NR6A1: variants seen among roughly 807,000 people sequenced by gnomAD.
NR6A1 encodes retinoic acid receptor-related testis-associated receptor.
In NR6A1, 7 loss-of-function variants were observed where a neutral mutation model predicts 59.1. The ratio of observed to expected loss-of-function variants is 0.12; its 90% CI spans 0.07 to 0.22. The LOEUF (loss-of-function observed/expected upper bound fraction) is 0.22, where lower values mean the gene tolerates loss of function less well. NR6A1 is among the 10% of genes least tolerant of loss of function. The probability of loss-of-function intolerance (pLI) is 1.00; values close to 1 mark genes in which losing one functional copy is unlikely to be tolerated. For missense variants in NR6A1, 468 were observed against 611.6 expected, an observed-to-expected ratio of 0.77 and a Z score of 2.48; for synonymous variants, 243 against 236.1, an observed-to-expected ratio of 1.03 and a Z score of -0.27.
At chr9:124,541,403 A>G (rs1833439472) in intron 4 of NR6A1, among the ~76,000 whole-genome samples, 1 of 152,218 alleles carries the variant, frequency 6.6e-6, no homozygotes, top group African/African-American at 2.4e-5. Flanking sequence ...TCATCAGGAA[A>G]ATACAAATCA....
At chr9:124,744,915 C>T (rs1840281365) in intron 1 of NR6A1, among the ~76,000 whole-genome samples, 1 of 152,144 alleles carries the variant, frequency 6.6e-6, no homozygotes, top group Non-Finnish European at 1.5e-5. Context: ...AAAGAGATGT[C>T]CCACATGTGG....
intron 6 of NR6A1, 40 bp downstream of exon 6, chr9:124,538,050 CTT>C: frequency 6.5e-7 from 1 of 1,547,022 alleles, no homozygotes; most frequent in Non-Finnish European, 8.8e-7. Flanking sequence ...GGTAGGGACA[CTT>C]TGAGACTGCA....
chr9:124,638,844 T>C (rs572464184), intron 2 of NR6A1, among the ~76,000 whole-genome samples: 5 of 152,338 alleles, frequency 3.3e-5, no homozygotes, highest in South Asian at 2.1e-4. Context: ...TCAAATAAGG[T>C]GATGCTTGTG....
intron 2 of NR6A1, among the ~76,000 whole-genome samples, chr9:124,626,171 A>G (rs1836236776): frequency 6.6e-6 from 1 of 152,036 alleles, no homozygotes; most frequent in Admixed American, 6.5e-5. Flanking sequence ...ATGCCCAGCT[A>G]ATTTTTGTAT....
At chr9:124,657,670 G>A (rs778824551) in intron 2 of NR6A1, among the ~76,000 whole-genome samples, 3 of 152,280 alleles carry the variant, frequency 2.0e-5, no homozygotes, top group East Asian at 1.9e-4. Context: ...AGACTGAAGA[G>A]AGCAGACCGT....
At chr9:124,672,493 T>C (rs891876874) in intron 2 of NR6A1, among the ~76,000 whole-genome samples, 3 of 152,014 alleles carry the variant, frequency 2.0e-5, no homozygotes, top group Admixed American at 6.6e-5. Flanking sequence ...CACAAGCCTG[T>C]AGTCCCAGCA....
At chr9:124,688,782 A>G (rs889835247) in intron 2 of NR6A1, among the ~76,000 whole-genome samples, 5 of 152,254 alleles carry the variant, frequency 3.3e-5, no homozygotes, top group Non-Finnish European at 7.3e-5. Context: ...GAGTTCCTGG[A>G]TTCCATAATT....
intron 2 of NR6A1, among the ~76,000 whole-genome samples, chr9:124,612,780 TTTTC>T (rs781666926): frequency 1.2e-4 from 17 of 144,758 alleles, no homozygotes; most frequent in Non-Finnish European, 1.4e-4. Context: ...TAGTTTGGGT[TTTTC>T]TTTCTTTCTT....
chr9:124,654,912 A>ACACC (rs758199833), intron 2 of NR6A1, among the ~76,000 whole-genome samples: 1 of 143,368 alleles, frequency 7.0e-6, no homozygotes, highest in Admixed American at 7.0e-5. Context: ...ACACACACAC[A>ACACC]CCTGCCAAAC....
At position 124,662,937 on chromosome 9, in the gene NR6A1, A is replaced by G. The variant is rs575470670; in HGVS notation, c.142+70371T>C. On this transcript the variant is annotated intron_variant, in intron 2 of 9. Transcript: ENST00000487099. ...ATGATCTCCAAATACTGGGAAGCTG[A>G]TATCTGTTCAGGAAAACTTAAAAAG... Among the ~76,000 whole-genome samples, 159 of 152,360 alleles carry G rather than the reference A, an allele frequency of 1.0e-3. 1 individual carries two copies. Among genetic ancestry groups the G allele is most frequent in the African/African-American group, 3.7e-3 (155 of 41,582 alleles).
intron 7 of NR6A1, among the ~76,000 whole-genome samples, chr9:124,531,522 A>T (rs976641156): frequency 1.3e-5 from 2 of 152,218 alleles, no homozygotes; most frequent in Non-Finnish European, 2.9e-5. Flanking sequence ...CAGGCAAGGT[A>T]GGAGAGTGCT....
chr9:124,710,756 G>T (rs1839255066), intron 2 of NR6A1, among the ~76,000 whole-genome samples: 5 of 152,106 alleles, frequency 3.3e-5, no homozygotes, highest in Admixed American at 6.5e-5. Flanking sequence ...GCCAAAAATG[G>T]GTGGAAAAGT....
chr9:124,526,960 G>A, intron 7 of NR6A1, 60 bp from the exon 8 acceptor site: 1 of 1,602,216 alleles, frequency 6.2e-7, no homozygotes. Flanking sequence ...CCAGGAAAGG[G>A]CAGCCAGAGA....
At chr9:124,599,423 A>G (rs1235007089) in intron 2 of NR6A1, 7 of 375,072 alleles carry the variant, frequency 1.9e-5, no homozygotes, top group Non-Finnish European at 3.6e-5. Flanking sequence ...TGGTCTCAAA[A>G]AAAAAAAAAA....
chr9:124,594,729 G>T (rs1298803586), intron 2 of NR6A1, among the ~76,000 whole-genome samples: 1 of 152,150 alleles, frequency 6.6e-6, no homozygotes, highest in African/African-American at 2.4e-5. Flanking sequence ...ACATATAAGG[G>T]AGGAATGAAG....
chr9:124,771,167 G>C lies in NR6A1; in HGVS notation c.-48C>G. On this transcript the variant is annotated 5_prime_UTR_variant, in exon 1 of 10. Coordinates refer to ENST00000487099, the MANE Select transcript of NR6A1 (RefSeq NM_033334.4). The stretch of plus-strand genomic sequence containing the variant: ...CCGGGTTTGTTGCTCCGCCATGACC[G>C]GCGCCCTAGTCGCCGTGGTCGTCGT... 1.9e-6 allele frequency: 2 copies of C among 1,071,482 alleles called. No homozygotes were observed. The highest frequency in any genetic ancestry group is 2.4e-6 in the Non-Finnish European group (2 of 841,420). The allele number at this position is 1,071,482 out of a possible 1,614,324, so 66.4% of individuals were successfully genotyped here.
chr9:124,604,203 A>C (rs1835518396), intron 2 of NR6A1, among the ~76,000 whole-genome samples: 1 of 152,096 alleles, frequency 6.6e-6, no homozygotes, highest in Non-Finnish European at 1.5e-5. Context: ...GCTCCCCTGA[A>C]TCTCACATCC....
intron 2 of NR6A1, 90 bp downstream of exon 2, chr9:124,733,218 C>A: frequency 4.4e-6 from 4 of 915,538 alleles, no homozygotes; most frequent in South Asian, 1.4e-5. Flanking sequence ...TAAAGTAAGG[C>A]TTATCAATGA....
chr9:124,770,848 G>A (rs959998042), intron 1 of NR6A1, among the ~76,000 whole-genome samples, 172 bp downstream of exon 1: 11 of 151,900 alleles, frequency 7.2e-5, no homozygotes, highest in African/African-American at 1.7e-4. Context: ...CGAGACCGGG[G>A]AGGAGAGGGA....
Sources: allele counts gnomAD v4.1 joint callset (sites outside exome capture counted in the v4.1 genomes callset), GRCh38; gene constraint gnomAD v4.1.1; transcripts MANE v1.5; gene names NCBI Gene and HGNC (gene_info 2026-07-23, HGNC 2026-07-21).